TMEM123: variants seen among roughly 807,000 people sequenced by gnomAD.
TMEM123 encodes the protein transmembrane protein 123, also known as porimin.
In TMEM123, 16 loss-of-function variants were observed where a neutral mutation model predicts 19.7. That is an observed-to-expected ratio of 0.81 (90% CI 0.55 to 1.23). The LOEUF (loss-of-function observed/expected upper bound fraction) is 1.23, where lower values mean the gene tolerates loss of function less well. Ranked by LOEUF, TMEM123 falls within the 50% of genes most tolerant of loss-of-function variation. The pLI is 0.00. For synonymous variants in TMEM123, 118 were observed against 99.4 expected (o/e 1.19, Z -1.12); for missense variants, 313 against 257.8 (o/e 1.21, Z -1.47).
rs1302435475 is a variant in TMEM123 at position 102,398,353 on chromosome 11, G to A, written c.*514C>T. 7.9e-6 allele frequency: 3 copies of A among 382,126 alleles called. No homozygotes were observed. The highest frequency in any genetic ancestry group is 1.4e-5 in the Non-Finnish European group (3 of 216,556). 23.7% of individuals were successfully genotyped at this position (382,126 alleles called of 1,614,324 possible). On this transcript the variant is annotated 3_prime_UTR_variant, in exon 5 of 5. Transcript: ENST00000398136. ...TACTACAGTTTAAAGCACAAAAAAT[G>A]TTGATGTTTTTCTTAAATTATGCTT...
chr11:102,398,369 A>AATT lies in TMEM123; in HGVS notation c.*495_*497dup, dbSNP rs1321870692. Reference sequence around the variant, plus strand: ...ACAAAAAATGTTGATGTTTTTCTTAAATTATGCTTCAGATCTAGTTTGATT... The same window carrying AATT: ...ACAAAAAATGTTGATGTTTTTCTTAAATTATTATGCTTCAGATCTAGTTTGATT... On this transcript the variant is annotated 3_prime_UTR_variant, in exon 5 of 5. Transcript: ENST00000398136. 3.1e-5 allele frequency: 12 copies of AATT among 389,858 alleles called. No homozygotes were observed. The highest frequency in any genetic ancestry group is 2.5e-4 in the African/African-American group (12 of 48,450). The allele number at this position is 389,858 out of a possible 1,614,324, so 24.1% of individuals were successfully genotyped here.
At chr11:102,411,789 C>T (rs952810950) in intron 2 of TMEM123, among the ~76,000 whole-genome samples, 6 of 152,080 alleles carry the variant, frequency 3.9e-5, no homozygotes, top group Non-Finnish European at 7.4e-5. Context: ...ATTGTAAGAA[C>T]GATGTCTTAT....
At chr11:102,426,612 A>G (rs1952127835) in intron 2 of TMEM123, among the ~76,000 whole-genome samples, 2 of 152,146 alleles carry the variant, frequency 1.3e-5, no homozygotes, top group East Asian at 1.9e-4. Context: ...CCTTGAGTGG[A>G]AAGTTATCTA....
intron 2 of TMEM123, among the ~76,000 whole-genome samples, chr11:102,425,583 C>CCT (rs1952119942): frequency 2.8e-5 from 3 of 107,936 alleles, no homozygotes; most frequent in Admixed American, 9.7e-5. Flanking sequence ...TTTCTTTTTT[C>CCT]TTTTTTTTTT....
At chr11:102,422,915 C>T (rs534854950) in intron 2 of TMEM123, among the ~76,000 whole-genome samples, 2 of 152,110 alleles carry the variant, frequency 1.3e-5, no homozygotes, top group Non-Finnish European at 2.9e-5. Flanking sequence ...GAACAATCTA[C>T]CCAGAACAGA....
intron 2 of TMEM123, among the ~76,000 whole-genome samples, chr11:102,410,268 T>C (rs1951993034): frequency 6.6e-6 from 1 of 152,052 alleles, no homozygotes; most frequent in Admixed American, 6.5e-5. Context: ...AGTTCAGGTC[T>C]GTGTAAGGAA....
chr11:102,449,377 A>G (rs1048621158), intron 1 of TMEM123: 2 of 154,108 alleles, frequency 1.3e-5, no homozygotes, highest in African/African-American at 4.8e-5. Context: ...TTAAATTAGT[A>G]CACCTTTAGA....
chr11:102,448,778 T>C, intron 2 of TMEM123, 34 bp downstream of exon 2: 2 of 1,605,804 alleles, frequency 1.2e-6, no homozygotes, highest in East Asian at 4.5e-5. Flanking sequence ...CCTAGACAAA[T>C]GAAAATTTGT....
rs1290340589 is a variant in TMEM123 at position 102,397,878 on chromosome 11, CT to C, written c.*988del. 2.0e-5 allele frequency: 3 copies of C among 152,146 alleles called. No homozygotes were observed. Among genetic ancestry groups the C allele is most frequent in the Non-Finnish European group, 2.9e-5 (2 of 68,016 alleles). The allele number at this position is 152,146 out of a possible 1,614,324, so 9.4% of individuals were successfully genotyped here. On this transcript the variant is annotated 3_prime_UTR_variant, in exon 5 of 5. Coordinates refer to ENST00000398136, the MANE Select transcript of TMEM123 (RefSeq NM_052932.3). ...TTGACTCTATAGAATTCTAAATGTT[CT>C]TTTGAAAATCATACAAGCGGTTCTT...
rs530699942 is a variant in TMEM123, at chr11:102,435,056, C to T, written c.157+13756G>A. On this transcript the variant is annotated intron_variant, in intron 2 of 4. Coordinates refer to ENST00000398136, the MANE Select transcript of TMEM123 (RefSeq NM_052932.3). ...TACTTTGCTTCCAGAATTTCTACAACGGGCTGGGCACAGTGGCTCACACCT... is the reference window on the plus strand; with the variant it reads ...TACTTTGCTTCCAGAATTTCTACAATGGGCTGGGCACAGTGGCTCACACCT... 5.3e-5 allele frequency among the ~76,000 whole-genome samples: 8 copies of T among 151,904 alleles called. No individual in the cohort carries two copies. In the East Asian group the frequency reaches 7.7e-4, roughly 15 times the overall value.
At chr11:102,444,088 C>A (rs181648010) in intron 2 of TMEM123, among the ~76,000 whole-genome samples, 3 of 152,304 alleles carry the variant, frequency 2.0e-5, no homozygotes, top group East Asian at 3.9e-4. Flanking sequence ...AACACTTTTA[C>A]GCTGTTGGTG....
chr11:102,430,101 T>C (rs145916392), intron 2 of TMEM123, among the ~76,000 whole-genome samples: 38 of 152,082 alleles, frequency 2.5e-4, no homozygotes, highest in African/African-American at 8.7e-4. Context: ...TTCATCTTTA[T>C]GGAAACAAAG....
chr11:102,430,542 T>G (rs1411334027), intron 2 of TMEM123, among the ~76,000 whole-genome samples: 1 of 152,140 alleles, frequency 6.6e-6, no homozygotes, highest in East Asian at 1.9e-4. Context: ...AAAGGGTAAC[T>G]GGTAGCCAGA....
At chr11:102,415,039 G>A (rs963414300) in intron 2 of TMEM123, among the ~76,000 whole-genome samples, 1 of 152,158 alleles carries the variant, frequency 6.6e-6, no homozygotes, top group Non-Finnish European at 1.5e-5. Context: ...AACAGAGGTT[G>A]CTATTCTTAT....
At chr11:102,434,278 G>C (rs964873240) in intron 2 of TMEM123, among the ~76,000 whole-genome samples, 1 of 151,782 alleles carries the variant, frequency 6.6e-6, no homozygotes, top group Non-Finnish European at 1.5e-5. Flanking sequence ...TTTGAGAATA[G>C]CCATTCTCAT....
In TMEM123 at chr11:102,452,568, A is replaced by G; in HGVS notation, c.56T>C (p.Val19Ala). ...ATGGGCGGCCCCCAGCAGCGCTAGCACCTGCAGCGTCCCCAGGAGCAGCGC... is the reference window on the plus strand; with the variant it reads ...ATGGGCGGCCCCCAGCAGCGCTAGCGCCTGCAGCGTCCCCAGGAGCAGCGC... Reference protein sequence around the residue: ...WAALLLGTLQVLALLGAAHES... With the variant: ...WAALLLGTLQALALLGAAHES... The change falls in exon 1 of 5, where the codon GTG becomes GCG. Residue 19 changes from valine to alanine, a missense_variant. Transcript: ENST00000398136. 6.4e-7 allele frequency: 1 copy of G among 1,574,070 alleles called. No individual in the cohort carries two copies. The highest frequency in any genetic ancestry group is 8.6e-7 in the Non-Finnish European group (1 of 1,164,654).
At chr11:102,413,446 C>T (rs1484200996) in intron 2 of TMEM123, among the ~76,000 whole-genome samples, 1 of 152,220 alleles carries the variant, frequency 6.6e-6, no homozygotes, top group African/African-American at 2.4e-5. Context: ...CCTGCTGCCA[C>T]CGTCCTGGCA....
chr11:102,451,482 G>A (rs1036287568), intron 1 of TMEM123, among the ~76,000 whole-genome samples: 1 of 152,226 alleles, frequency 6.6e-6, no homozygotes, highest in Non-Finnish European at 1.5e-5. Flanking sequence ...AGCAAGTGTT[G>A]TGCCTGAACC....
Position 102,398,500 on chromosome 11 carries a change from A to G in TMEM123, c.*367T>C, listed in dbSNP as rs533132463. 7.7e-5 allele frequency: 32 copies of G among 414,218 alleles called. No individual in the cohort carries two copies. Among genetic ancestry groups the G allele is most frequent in the Non-Finnish European group, 1.3e-4 (31 of 236,852 alleles). 25.7% of individuals were successfully genotyped at this position (414,218 alleles called of 1,614,324 possible). A position where few individuals can be genotyped will look rare whatever the true frequency, so the allele number is the denominator to read the frequency against. Reference sequence around the variant, plus strand: ...GATACCCAAAATCCTGAGTGCTGTGACAAACTTCTTATTTGTATGCCCAGA... The same window carrying G: ...GATACCCAAAATCCTGAGTGCTGTGGCAAACTTCTTATTTGTATGCCCAGA... On this transcript the variant is annotated 3_prime_UTR_variant, in exon 5 of 5. Coordinates refer to ENST00000398136, the MANE Select transcript of TMEM123 (RefSeq NM_052932.3).
Sources: allele counts gnomAD v4.1 joint callset (sites outside exome capture counted in the v4.1 genomes callset), GRCh38; gene constraint gnomAD v4.1.1; transcripts MANE v1.5; gene names NCBI Gene and HGNC (gene_info 2026-07-23, HGNC 2026-07-21).